TMEM114: variants seen among roughly 807,000 people sequenced by gnomAD.
TMEM114 encodes claudin-26.
A neutral mutation model predicts 6.2 loss-of-function variants in TMEM114; 6 were observed. That is an observed-to-expected ratio of 0.97 (90% confidence interval 0.53 to 1.91). The LOEUF is 1.91. Among genes scored for constraint, TMEM114 ranks in the 40% most tolerant of loss-of-function variants. The pLI is 0.01. For missense variants in TMEM114, 218 were observed against 158.3 expected (o/e 1.38, Z -2.02); for synonymous variants, 104 against 73.0 (o/e 1.42, Z -2.16).
intron 2 of TMEM114, among the ~76,000 whole-genome samples, chr16:8,583,305 C>T (rs1002379961): frequency 6.6e-6 from 1 of 152,192 alleles, no homozygotes; most frequent in African/African-American, 2.4e-5. Flanking sequence ...AAGCTTGAGG[C>T]TCAGGAAGGC....
chr16:8,560,802 G>T (rs1327828066), intron 2 of TMEM114, among the ~76,000 whole-genome samples: 1 of 152,142 alleles, frequency 6.6e-6, no homozygotes, highest in African/African-American at 2.4e-5. Context: ...ACCAAAGTCA[G>T]CATTGGGGAC....
downstream of TMEM114, among the ~76,000 whole-genome samples, chr16:8,566,723 C>T (rs1191095574): frequency 6.6e-6 from 1 of 152,154 alleles, no homozygotes; most frequent in African/African-American, 2.4e-5. Context: ...AACACAGAAG[C>T]TTCTTCCCAC....
chr16:8,586,270 T>G (rs925095426), intron 2 of TMEM114, among the ~76,000 whole-genome samples: 3 of 152,216 alleles, frequency 2.0e-5, no homozygotes, highest in Non-Finnish European at 2.9e-5. Context: ...AGTCTGGTCA[T>G]TCCTTTATGA....
chr16:8,581,921 TA>T (rs1234747849), intron 2 of TMEM114, among the ~76,000 whole-genome samples: 1 of 152,194 alleles, frequency 6.6e-6, no homozygotes, highest in African/African-American at 2.4e-5. Flanking sequence ...CAGCTATGCA[TA>T]AATCACACTG....
intron 1 of TMEM114, 114 bp downstream of exon 1, chr16:8,589,505 G>A (rs1902417438): frequency 5.0e-6 from 2 of 398,234 alleles, no homozygotes; most frequent in Non-Finnish European, 8.8e-6. Context: ...CCTAGACATT[G>A]TATTTTAGGG....
At chr16:8,576,704 C>CAGTA (rs1187855125) in intron 2 of TMEM114, among the ~76,000 whole-genome samples, 127 of 129,430 alleles carry the variant, frequency 9.8e-4, no homozygotes, top group African/African-American at 3.4e-3. Flanking sequence ...TGAATGAGAG[C>CAGTA]AGGAAGGAAG....
chr16:8,557,394 G>A lies in TMEM114; in HGVS notation n.213-19568C>T, dbSNP rs545704875. ...GGGGAGAGCCATATGGAAAGGCCCC[G>A]AGATGATGTAAAGAGAGAAGTGCTC... On this transcript the variant is annotated intron_variant and non_coding_transcript_variant, in intron 2 of 2. Transcript: ENST00000623677. Among the ~76,000 whole-genome samples, 8 of 152,200 alleles carry A rather than the reference G, an allele frequency of 5.3e-5. No homozygotes were observed. In the East Asian group the frequency reaches 5.8e-4, roughly 11 times the overall value.
intron 2 of TMEM114, among the ~76,000 whole-genome samples, chr16:8,557,686 T>G (rs1445505072): frequency 6.6e-6 from 1 of 152,210 alleles, no homozygotes; most frequent in Non-Finnish European, 1.5e-5. Flanking sequence ...GGGCATGAAC[T>G]CAGGTAATTA....
At position 8,543,197 on chromosome 16, in the gene TMEM114, C is replaced by T. The variant is rs368554721; in HGVS notation, n.213-5371G>A. 3.3e-5 allele frequency among the ~76,000 whole-genome samples: 5 copies of T among 152,276 alleles called. No individual in the cohort carries two copies. The East Asian group carries it at 5.8e-4, about 18-fold the overall frequency. Reference sequence around the variant, plus strand: ...AGACTGACTACAGAGCAAAGCTGGGCCCCAATGGGGGACTAAGGAGAGACG... The same window carrying T: ...AGACTGACTACAGAGCAAAGCTGGGTCCCAATGGGGGACTAAGGAGAGACG... On this transcript the variant is annotated intron_variant and non_coding_transcript_variant, in intron 2 of 2. Coordinates refer to the TMEM114 transcript ENST00000623677.
chr16:8,550,783 C>T (rs567388327), intron 2 of TMEM114, among the ~76,000 whole-genome samples: 2 of 152,154 alleles, frequency 1.3e-5, no homozygotes, highest in South Asian at 4.2e-4. Flanking sequence ...CACCTCCTGC[C>T]CACTCCCATA....
intron 2 of TMEM114, among the ~76,000 whole-genome samples, chr16:8,588,751 TG>T (rs1293129504): frequency 6.6e-6 from 1 of 152,184 alleles, no homozygotes; most frequent in Non-Finnish European, 1.5e-5. Context: ...GCAAAGCCCT[TG>T]TTCTAGGCAA....
intron 2 of TMEM114, among the ~76,000 whole-genome samples, chr16:8,549,942 G>T (rs1025208082): frequency 6.6e-6 from 1 of 152,162 alleles, no homozygotes; most frequent in Non-Finnish European, 1.5e-5. Flanking sequence ...GGCTCAGTCC[G>T]AGTCCCAAAA....
chr16:8,550,951 C>A (rs1272855248), intron 2 of TMEM114, among the ~76,000 whole-genome samples: 1 of 152,188 alleles, frequency 6.6e-6, no homozygotes, highest in Non-Finnish European at 1.5e-5. Context: ...CTGCATCTCA[C>A]CTTGTACTTG....
chr16:8,528,308 A>G, the TMEM114 span, among the ~76,000 whole-genome samples: 1 of 152,186 alleles, frequency 6.6e-6, no homozygotes, highest in Non-Finnish European at 1.5e-5. Flanking sequence ...GTTCTGATAA[A>G]GGAGGAAGAT....
downstream of TMEM114, among the ~76,000 whole-genome samples, chr16:8,568,107 C>A (rs561049733): frequency 1.4e-4 from 22 of 152,310 alleles, no homozygotes; most frequent in African/African-American, 5.3e-4. Context: ...CCTTTCTCTC[C>A]TTATGCCCTT....
chr16:8,538,582 A>G (rs1169694626), intron 2 of TMEM114, among the ~76,000 whole-genome samples: 1 of 151,868 alleles, frequency 6.6e-6, no homozygotes, highest in Non-Finnish European at 1.5e-5. Context: ...ATCTCAGCTC[A>G]CTGCAAACTC....
downstream of TMEM114, among the ~76,000 whole-genome samples, chr16:8,566,509 C>G (rs905874088): frequency 1.4e-5 from 2 of 142,980 alleles, no homozygotes; most frequent in African/African-American, 5.0e-5. Flanking sequence ...TGGATCAGAA[C>G]ACAACAGAAT....
At chr16:8,552,251 G>C (rs1489738892) in intron 2 of TMEM114, among the ~76,000 whole-genome samples, 1 of 151,910 alleles carries the variant, frequency 6.6e-6, no homozygotes, top group African/African-American at 2.4e-5. Context: ...AGGCATGGTT[G>C]TGTGTGCCTA....
intron 2 of TMEM114, among the ~76,000 whole-genome samples, chr16:8,564,096 A>T (rs959997885): frequency 2.0e-5 from 3 of 151,362 alleles, no homozygotes; most frequent in South Asian, 2.1e-4. Flanking sequence ...TGAGTGAGTG[A>T]ATGAGTGAGG....
Sources: gnomAD v4.1 joint callset for allele counts (sites outside exome capture counted in the v4.1 genomes callset) on GRCh38, gnomAD v4.1.1 for gene constraint, MANE v1.5 for transcripts, NCBI Gene and HGNC (gene_info 2026-07-23, HGNC 2026-07-21) for gene names.